The following NHS variants were observed in gnomAD, a reference collection of about 807,000 sequenced individuals.
The protein encoded by NHS is actin remodeling regulator NHS.
NHS carries 5 observed loss-of-function variants against 72.5 expected under a neutral mutation model. The ratio of observed to expected loss-of-function variants is 0.07; its 90% CI spans 0.04 to 0.14. The LOEUF is 0.14. NHS is among the 10% of genes least tolerant of loss of function. The pLI is 1.00. For missense variants in NHS, 1,072 were observed against 1,355.7 expected (o/e 0.79, Z 3.29); for synonymous variants, 464 against 547.7 (o/e 0.85, Z 2.13).
At chrX:17,718,134 C>A (rs1472386710) in intron 3 of NHS, among the ~76,000 whole-genome samples, 3 of 110,267 alleles carry the variant, frequency 2.7e-5, no homozygotes, top group Non-Finnish European at 5.7e-5. Context: ...CTCAAAACAG[C>A]CCTGGAGGGA....
At chrX:17,598,467 CT>C (rs2065634961) in intron 1 of NHS, among the ~76,000 whole-genome samples, 1 of 112,344 alleles carries the variant, frequency 8.9e-6, no homozygotes, top group African/African-American at 3.2e-5. Context: ...ACAAAGAAAA[CT>C]TTTATTTAAA....
chrX:17,437,098 C>T (rs1355824022), intron 1 of NHS, among the ~76,000 whole-genome samples: 3 of 111,601 alleles, frequency 2.7e-5, no homozygotes, highest in African/African-American at 9.8e-5. Context: ...TTCACACACC[C>T]GGAAAACATG....
chrX:17,717,394 T>C (rs907708614), intron 3 of NHS, among the ~76,000 whole-genome samples: 8 of 112,590 alleles, frequency 7.1e-5, no homozygotes, highest in Non-Finnish European at 1.5e-4. Flanking sequence ...AAATCAAATG[T>C]GGCCTCTGAC....
At chrX:17,622,509 T>C (rs372587369) in intron 1 of NHS, among the ~76,000 whole-genome samples, 1 of 112,317 alleles carries the variant, frequency 8.9e-6, no homozygotes, top group East Asian at 2.8e-4. Context: ...GGAGTCCCCA[T>C]GGCTAAAATC....
chrX:17,376,075 C>T lies in NHS; in HGVS notation c.318C>T (p.Ala106=). 9.4e-7 allele frequency: 1 copy of T among 1,058,403 alleles called. No homozygotes were observed. The highest frequency in any genetic ancestry group is 1.2e-6 in the Non-Finnish European group (1 of 830,389). 87.2% of individuals were successfully genotyped at this position (1,058,403 alleles called of 1,213,427 possible). A position where few individuals can be genotyped will look rare whatever the true frequency, so the allele number is the denominator to read the frequency against. ...GGATCCCGGAGGCGGCGCCCGCAGC[C>T]GGCGAGGCGTCCTCGGCGGCGGCGG... ...TAGIPEAAPA[A]GEASSAAAAA... The change falls in exon 1 of 9, where the codon GCC becomes GCT. Residue 106 remains alanine (A), a synonymous_variant. Coordinates refer to ENST00000676302, the MANE Select transcript of NHS (RefSeq NM_001291867.2).
At chrX:17,725,310 A>G (rs1346513067) in intron 6 of NHS, 37 bp from the exon 7 acceptor site, 2 of 1,163,289 alleles carry the variant, frequency 1.7e-6, no homozygotes, top group Non-Finnish European at 2.3e-6. Context: ...GTCTGCTGAT[A>G]TAGAAAATAT....
chrX:17,504,623 T>A (rs2045182693), intron 1 of NHS, among the ~76,000 whole-genome samples: 1 of 111,910 alleles, frequency 8.9e-6, no homozygotes, highest in Non-Finnish European at 1.9e-5. Flanking sequence ...CCCTCCTTCC[T>A]CTACCTTTCA....
chrX:17,417,186 T>C (rs1460227527), intron 1 of NHS, among the ~76,000 whole-genome samples: 2 of 109,905 alleles, frequency 1.8e-5, no homozygotes, highest in African/African-American at 6.6e-5. Flanking sequence ...CATACCAGGG[T>C]CAGAAATTTT....
chrX:17,423,398 C>A (rs985545637), intron 1 of NHS, among the ~76,000 whole-genome samples: 1 of 111,664 alleles, frequency 9.0e-6, no homozygotes, highest in Non-Finnish European at 1.9e-5. Flanking sequence ...TCCTCCTCCT[C>A]CATCTAAGCT....
chrX:17,527,855 C>T (rs906736509), intron 1 of NHS, among the ~76,000 whole-genome samples: 6 of 111,448 alleles, frequency 5.4e-5, no homozygotes, highest in Admixed American at 1.9e-4. Context: ...CCTGTAAAAG[C>T]GCTGCTCCCT....
chrX:17,680,827 T>A (rs963111686), intron 1 of NHS, among the ~76,000 whole-genome samples: 2 of 111,990 alleles, frequency 1.8e-5, no homozygotes, highest in Middle Eastern at 4.6e-3. Context: ...TAAAGGAATT[T>A]TCTTAAAACA....
rs200867856 is a variant in NHS, at chrX:17,516,569, GCGCA to G, written c.565+140249_565+140252del. 7.6e-3 allele frequency among the ~76,000 whole-genome samples: 642 copies of G among 84,474 alleles called. 9 individuals are homozygous for G. Among genetic ancestry groups the G allele is most frequent in the East Asian group, 0.064 (174 of 2,710 alleles). The allele number at this position is 84,474 out of a possible 115,157, so 73.4% of individuals were successfully genotyped here. A position where few individuals can be genotyped will look rare whatever the true frequency, so the allele number is the denominator to read the frequency against. ...GATTTAACTTACAACACACACACAC[GCGCA>G]CACACACACACACACACACACACAC... On this transcript the variant is annotated intron_variant, in intron 1 of 8. Transcript: ENST00000676302.
At chrX:17,657,915 C>T (rs1250869019) in intron 1 of NHS, among the ~76,000 whole-genome samples, 1 of 113,022 alleles carries the variant, frequency 8.8e-6, no homozygotes, top group Non-Finnish European at 1.9e-5. Flanking sequence ...TTCATAGCAG[C>T]TGGGCTACTA....
intron 1 of NHS, chrX:17,635,256 C>G (rs958631473): frequency 1.7e-5 from 17 of 1,009,468 alleles, no homozygotes; most frequent in Non-Finnish European, 1.9e-5. Flanking sequence ...TAAGCCCCTC[C>G]TCTGGAGACA....
intron 1 of NHS, among the ~76,000 whole-genome samples, chrX:17,409,927 A>T (rs1266830239): frequency 2.7e-5 from 3 of 111,918 alleles, no homozygotes; most frequent in Non-Finnish European, 5.6e-5. Context: ...TGTGGCACAA[A>T]TGAGAAATTT....
intron 1 of NHS, chrX:17,586,389 A>G (rs996097943): frequency 4.5e-5 from 5 of 112,150 alleles, no homozygotes; most frequent in African/African-American, 1.3e-4. Context: ...GCACACATGT[A>G]AAAGCTGCTC....
At chrX:17,693,268 C>T (rs748469773) in intron 3 of NHS, among the ~76,000 whole-genome samples, 6 of 111,802 alleles carry the variant, frequency 5.4e-5, no homozygotes, top group Admixed American at 1.9e-4. Flanking sequence ...AACACATCAC[C>T]GCAGATGTGC....
At chrX:17,608,526 CA>C (rs2065693362) in intron 1 of NHS, among the ~76,000 whole-genome samples, 1 of 111,878 alleles carries the variant, frequency 8.9e-6, no homozygotes, top group African/African-American at 3.2e-5. Context: ...AGCATCCTAC[CA>C]ATCTTTGTTT....
chrX:17,556,390 G>A (rs1476557125), intron 1 of NHS, among the ~76,000 whole-genome samples: 1 of 112,935 alleles, frequency 8.9e-6, no homozygotes, highest in African/African-American at 3.2e-5. Context: ...CACGCAAATG[G>A]CCATGCCAGG....
Sources: allele counts gnomAD v4.1 joint callset (sites outside exome capture counted in the v4.1 genomes callset), GRCh38; gene constraint gnomAD v4.1.1; transcripts MANE v1.5; gene names NCBI Gene and HGNC (gene_info 2026-07-23, HGNC 2026-07-21).